The following RUNX1T1 variants were observed in gnomAD, a reference collection of about 807,000 sequenced individuals.
RUNX1T1 encodes the protein protein CBFA2T1.
In RUNX1T1, 4 loss-of-function variants were observed where a neutral mutation model predicts 62.8. That is an observed-to-expected ratio of 0.06 (90% confidence interval 0.03 to 0.15). The LOEUF is 0.15. Among genes scored for constraint, RUNX1T1 ranks in the 10% least tolerant of loss-of-function variants. The pLI is 1.00. For missense variants in RUNX1T1, 508 were observed against 754.3 expected (o/e 0.67, Z 3.82); for synonymous variants, 291 against 286.0 (o/e 1.02, Z -0.18).
At chr8:92,082,347 G>A (rs1835403099) in intron 1 of RUNX1T1, among the ~76,000 whole-genome samples, 1 of 152,134 alleles carries the variant, frequency 6.6e-6, no homozygotes, top group Non-Finnish European at 1.5e-5. Flanking sequence ...AAGAATTCCA[G>A]GAGAGTAGTA....
chr8:91,977,263 A>G (rs1814171014), intron 8 of RUNX1T1: 2 of 194,650 alleles, frequency 1.0e-5, no homozygotes, highest in African/African-American at 2.3e-5. Context: ...CATCTTTGCA[A>G]TTTTTTAATC....
At chr8:92,039,316 A>C (rs368281747) in intron 1 of RUNX1T1, among the ~76,000 whole-genome samples, 1 of 152,012 alleles carries the variant, frequency 6.6e-6, no homozygotes, top group African/African-American at 2.4e-5. Context: ...CCAAAAGGCT[A>C]TCTTGACCCC....
At chr8:91,991,348 C>T (rs1314289785) in intron 6 of RUNX1T1, among the ~76,000 whole-genome samples, 1 of 152,030 alleles carries the variant, frequency 6.6e-6, no homozygotes, top group African/African-American at 2.4e-5. Flanking sequence ...ATTTATTTTG[C>T]ATTTGTTACC....
intron 1 of RUNX1T1, among the ~76,000 whole-genome samples, chr8:92,042,086 G>A (rs1230491018): frequency 1.3e-5 from 2 of 152,032 alleles, no homozygotes; most frequent in East Asian, 2.0e-4. Flanking sequence ...GCCTCCCGAA[G>A]TGCTGGGATT....
chr8:92,052,939 C>T (rs1317257219), intron 1 of RUNX1T1, among the ~76,000 whole-genome samples: 1 of 152,122 alleles, frequency 6.6e-6, no homozygotes, highest in Non-Finnish European at 1.5e-5. Context: ...CTAAACTGAC[C>T]TTCCAAGAAT....
intron 5 of RUNX1T1, among the ~76,000 whole-genome samples, chr8:92,002,751 C>A (rs903101039): frequency 1.3e-5 from 2 of 152,080 alleles, no homozygotes; most frequent in Non-Finnish European, 2.9e-5. Context: ...CCATGTCAGA[C>A]CATATGCACC....
upstream of RUNX1T1, among the ~76,000 whole-genome samples, chr8:92,101,871 A>C (rs1365391028): frequency 1.3e-5 from 2 of 151,900 alleles, no homozygotes; most frequent in African/African-American, 2.4e-5. Context: ...GCGCCAACCA[A>C]CCCGGTCCTT....
chr8:92,029,570 A>G (rs1433506353), intron 1 of RUNX1T1, among the ~76,000 whole-genome samples: 1 of 152,202 alleles, frequency 6.6e-6, no homozygotes, highest in Non-Finnish European at 1.5e-5. Context: ...GATAAGTTCA[A>G]CTTCATCAAT....
rs142645354 is a variant in RUNX1T1, at chr8:92,041,737, G to A, written c.7+20809C>T. Reference sequence around the variant, plus strand: ...AGCCTGGGTGACAGAGCACTACTCTGTCCCAAATAACAAAACAAAACAAAA... The same window carrying A: ...AGCCTGGGTGACAGAGCACTACTCTATCCCAAATAACAAAACAAAACAAAA... On this transcript the variant is annotated intron_variant, in intron 1 of 10. Coordinates refer to ENST00000396218, the Ensembl canonical transcript of RUNX1T1. Among the ~76,000 whole-genome samples the A allele has an allele frequency of 4.0e-3, 611 of 151,734 alleles. 8 individuals are homozygous for A. Among genetic ancestry groups the A allele is most frequent in the Non-Finnish European group, 2.5e-3 (171 of 67,968 alleles).
intron 3 of RUNX1T1, among the ~76,000 whole-genome samples, chr8:92,013,501 CT>C (rs1822384201): frequency 1.4e-5 from 2 of 146,018 alleles, no homozygotes; most frequent in African/African-American, 2.8e-5. Context: ...GGCTTTGCCC[CT>C]GATAGGTCCA....
intron 1 of RUNX1T1, among the ~76,000 whole-genome samples, chr8:92,082,174 C>T (rs1159949152): frequency 2.6e-5 from 4 of 152,134 alleles, no homozygotes; most frequent in Admixed American, 6.5e-5. Context: ...CTTGAGCCAC[C>T]GCGCCTGGCC....
intron 1 of RUNX1T1, among the ~76,000 whole-genome samples, chr8:92,055,291 G>C (rs536898366): frequency 6.6e-6 from 1 of 152,280 alleles, no homozygotes; most frequent in African/African-American, 2.4e-5. Flanking sequence ...CCTCTATGTA[G>C]TAAGTAGTTA....
chr8:92,090,233 A>G (rs1430749351), intron 1 of RUNX1T1, among the ~76,000 whole-genome samples: 1 of 151,958 alleles, frequency 6.6e-6, no homozygotes, highest in African/African-American at 2.4e-5. Context: ...TACACTATGA[A>G]ACTAGTTACA....
chr8:92,054,861 C>T (rs760738324), intron 1 of RUNX1T1, among the ~76,000 whole-genome samples: 14 of 151,934 alleles, frequency 9.2e-5, no homozygotes, highest in South Asian at 4.2e-4. Flanking sequence ...AAAAATTAGC[C>T]GGGCGTGGTG....
intron 5 of RUNX1T1, chr8:91,994,480 C>A: frequency 2.6e-6 from 1 of 383,468 alleles, no homozygotes; most frequent in Non-Finnish European, 5.2e-6. Context: ...GCTAACACAG[C>A]ACCTACCTTA....
intron 5 of RUNX1T1, among the ~76,000 whole-genome samples, chr8:91,992,344 A>G (rs1451936351): frequency 6.6e-6 from 1 of 152,194 alleles, no homozygotes; most frequent in Non-Finnish European, 1.5e-5. Flanking sequence ...GTGTCAGAGA[A>G]TATCTAAGAA....
chr8:92,074,345 A>G (rs564358086), intron 2 of RUNX1T1, among the ~76,000 whole-genome samples: 11 of 152,326 alleles, frequency 7.2e-5, no homozygotes, highest in Admixed American at 7.2e-4. Flanking sequence ...CCAGAAAGGA[A>G]TAGATTGTGA....
intron 1 of RUNX1T1, among the ~76,000 whole-genome samples, chr8:92,085,081 T>C (rs1835887236): frequency 6.6e-6 from 1 of 152,202 alleles, no homozygotes; most frequent in Non-Finnish European, 1.5e-5. Flanking sequence ...CATGCCATTA[T>C]TATCCAGATG....
At chr8:92,095,748 T>C (rs1365962610) in intron 1 of RUNX1T1, 4 of 440,098 alleles carry the variant, frequency 9.1e-6, no homozygotes, top group African/African-American at 2.0e-5. Flanking sequence ...AGAGCTACCC[T>C]AAGGCTATCT....
Sources: allele counts gnomAD v4.1 joint callset (sites outside exome capture counted in the v4.1 genomes callset), GRCh38; gene constraint gnomAD v4.1.1; transcripts MANE v1.5; gene names NCBI Gene and HGNC (gene_info 2026-07-23, HGNC 2026-07-21).